The following CDH4 variants were observed in gnomAD, a reference collection of about 807,000 sequenced individuals.
CDH4 encodes cadherin-4.
Under a neutral mutation model 86.0 loss-of-function variants are expected in CDH4, and 33 were observed. The observed-to-expected ratio is 0.38, with a 90% CI of 0.29 to 0.51. CDH4 has a LOEUF of 0.51. Ranked by LOEUF, CDH4 falls within the 20% of genes least tolerant of loss-of-function variation. The probability of loss-of-function intolerance (pLI) is 0.86; values close to 1 mark genes in which losing one functional copy is unlikely to be tolerated. For missense variants in CDH4, 1,114 were observed against 1,307.4 expected (o/e 0.85, Z 2.28); for synonymous variants, 555 against 549.4 (o/e 1.01, Z -0.14).
At chr20:61,765,595 G>A (rs148927412) in intron 3 of CDH4, among the ~76,000 whole-genome samples, 42 of 152,300 alleles carry the variant, frequency 2.8e-4, no homozygotes, top group African/African-American at 8.7e-4. Flanking sequence ...GGAGGAGGAC[G>A]GTGTCTCCAG....
At chr20:61,294,569 G>A (rs1211941839) in intron 2 of CDH4, among the ~76,000 whole-genome samples, 2 of 152,222 alleles carry the variant, frequency 1.3e-5, no homozygotes, top group African/African-American at 4.8e-5. Context: ...CCATCTTCAG[G>A]GGACAACATG....
chr20:61,884,034 C>T (rs1260267418), intron 7 of CDH4, among the ~76,000 whole-genome samples: 1 of 148,928 alleles, frequency 6.7e-6, no homozygotes, highest in Non-Finnish European at 1.5e-5. Flanking sequence ...GGAGGAATCG[C>T]TGCCTGGAAC....
chr20:61,844,570 G>A, intron 4 of CDH4, 98 bp from the exon 5 acceptor site: 2 of 1,192,608 alleles, frequency 1.7e-6, no homozygotes, highest in Non-Finnish European at 2.4e-6. Flanking sequence ...AAATGGTCGA[G>A]CTCGAGGAAC....
chr20:61,567,269 AG>A (rs1477729141), intron 2 of CDH4, among the ~76,000 whole-genome samples: 1 of 152,208 alleles, frequency 6.6e-6, no homozygotes, highest in Non-Finnish European at 1.5e-5. Flanking sequence ...AAGTTACCTT[AG>A]TCTATTTAGG....
intron 2 of CDH4, among the ~76,000 whole-genome samples, chr20:61,690,739 C>T (rs1205234517): frequency 6.6e-6 from 1 of 152,176 alleles, no homozygotes; most frequent in East Asian, 1.9e-4. Context: ...GTGTCCACCT[C>T]TCCTCACAAT....
In CDH4 at chr20:61,553,606, T is replaced by C. The variant is rs1374443699; in HGVS notation, c.170-189957T>C. On this transcript the variant is annotated intron_variant, in intron 2 of 15. Transcript: ENST00000614565. ...GTCATAGGGAATGCCTGCACCCTGC[T>C]TTATAGATGTAGTGTGGTAGATTTC... Among the ~76,000 whole-genome samples, 3 of 152,236 alleles carry C rather than the reference T, an allele frequency of 2.0e-5. No homozygotes were observed. In the East Asian group the frequency reaches 5.8e-4, roughly 29 times the overall value.
chr20:61,581,854 A>G (rs2086431367), intron 2 of CDH4, among the ~76,000 whole-genome samples: 1 of 152,130 alleles, frequency 6.6e-6, no homozygotes, highest in African/African-American at 2.4e-5. Context: ...GTGAGGTGGA[A>G]TCGGGAATGT....
chr20:61,590,826 T>TAA (rs2086513001), intron 2 of CDH4, among the ~76,000 whole-genome samples: 1 of 142,216 alleles, frequency 7.0e-6, no homozygotes, highest in African/African-American at 2.5e-5. Flanking sequence ...GTGGGCACTC[T>TAA]AAACAACCTA....
intron 2 of CDH4, among the ~76,000 whole-genome samples, chr20:61,739,864 G>A (rs1008297623): frequency 3.9e-5 from 6 of 152,206 alleles, no homozygotes; most frequent in South Asian, 2.1e-4. Context: ...TCCAGCCGAC[G>A]CCTCAGGCTC....
intron 2 of CDH4, among the ~76,000 whole-genome samples, chr20:61,725,910 T>C (rs2088105196): frequency 6.6e-6 from 1 of 152,204 alleles, no homozygotes; most frequent in South Asian, 2.1e-4. Context: ...CTTGCGGCTC[T>C]AGAAATAGCC....
At chr20:61,815,458 C>T (rs906283420) in intron 4 of CDH4, among the ~76,000 whole-genome samples, 3 of 152,236 alleles carry the variant, frequency 2.0e-5, no homozygotes, top group Non-Finnish European at 4.4e-5. Flanking sequence ...AGCTCTTCAG[C>T]TGGACTTCAC....
intron 2 of CDH4, among the ~76,000 whole-genome samples, chr20:61,584,812 C>T (rs896992930): frequency 3.3e-5 from 5 of 152,168 alleles, no homozygotes; most frequent in South Asian, 2.1e-4. Flanking sequence ...CTGACAGCTG[C>T]GAGGCTAACG....
At chr20:61,894,775 A>G (rs1390308972) in intron 7 of CDH4, 135 bp from the exon 8 acceptor site, 4 of 952,154 alleles carry the variant, frequency 4.2e-6, no homozygotes, top group Non-Finnish European at 6.2e-6. Context: ...CCCTGCGCCC[A>G]GCACACAGCC....
intron 2 of CDH4, among the ~76,000 whole-genome samples, chr20:61,685,912 T>C (rs1440203891): frequency 6.6e-6 from 1 of 152,246 alleles, no homozygotes; most frequent in East Asian, 1.9e-4. Context: ...CCATTTAGCA[T>C]TCCAGATGGC....
intron 2 of CDH4, among the ~76,000 whole-genome samples, chr20:61,431,401 C>T (rs2145516012): frequency 6.8e-6 from 1 of 147,116 alleles, no homozygotes; most frequent in East Asian, 2.0e-4. Flanking sequence ...GCTATGTTGC[C>T]CAGGCTGGAG....
intron 11 of CDH4, among the ~76,000 whole-genome samples, chr20:61,925,084 C>CG (rs2055029737): frequency 6.6e-6 from 1 of 152,164 alleles, no homozygotes; most frequent in Non-Finnish European, 1.5e-5. Context: ...GTGCAGAGGG[C>CG]GGTGGCAAGG....
chr20:61,883,317 A>G (rs1313569963), intron 7 of CDH4, among the ~76,000 whole-genome samples: 1 of 152,014 alleles, frequency 6.6e-6, no homozygotes, highest in Non-Finnish European at 1.5e-5. Context: ...ACTCTTTGCT[A>G]TTTGCTGTCG....
chr20:61,442,873 CAG>C (rs1280533805), intron 2 of CDH4, among the ~76,000 whole-genome samples: 1 of 152,238 alleles, frequency 6.6e-6, no homozygotes, highest in African/African-American at 2.4e-5. Context: ...CTGTTGGCCT[CAG>C]GGGCTGAATC....
chr20:61,298,449 C>T (rs1010329340), intron 2 of CDH4, among the ~76,000 whole-genome samples: 5 of 152,064 alleles, frequency 3.3e-5, no homozygotes, highest in African/African-American at 1.2e-4. Flanking sequence ...CACTTCCCCA[C>T]GTTCCTCTCT....
Sources: gnomAD v4.1 joint callset for allele counts (sites outside exome capture counted in the v4.1 genomes callset) on GRCh38, gnomAD v4.1.1 for gene constraint, MANE v1.5 for transcripts, NCBI Gene and HGNC (gene_info 2026-07-23, HGNC 2026-07-21) for gene names.